The following PRKCH variants were observed in gnomAD, a reference collection of about 807,000 sequenced individuals.
PRKCH encodes the protein protein kinase C eta.
Under a neutral mutation model 82.5 loss-of-function variants are expected in PRKCH, and 28 were observed. The observed-to-expected ratio is 0.34, with a 90% CI of 0.25 to 0.47. The LOEUF (loss-of-function observed/expected upper bound fraction) is 0.47. PRKCH is among the 20% of genes least tolerant of loss of function. The probability of loss-of-function intolerance (pLI) is 1.00; values close to 1 mark genes in which losing one functional copy is unlikely to be tolerated. For missense variants in PRKCH, 705 were observed against 881.8 expected, an observed-to-expected ratio of 0.80 and a Z score of 2.54; for synonymous variants, 322 against 327.4, an observed-to-expected ratio of 0.98 and a Z score of 0.18.
At chr14:61,359,288 A>G (rs895560547) in intron 1 of PRKCH, among the ~76,000 whole-genome samples, 2 of 152,216 alleles carry the variant, frequency 1.3e-5, no homozygotes, top group African/African-American at 4.8e-5. Context: ...CCCCTGAAGT[A>G]GACACCCTAA....
At chr14:61,314,823 G>T (rs190476153) in intron 1 of PRKCH, among the ~76,000 whole-genome samples, 1 of 152,020 alleles carries the variant, frequency 6.6e-6, no homozygotes, top group East Asian at 1.9e-4. Flanking sequence ...CAGACTGGCC[G>T]TCAGGACCCT....
chr14:61,218,734 A>G (rs2044633723), intron 1 of PRKCH, among the ~76,000 whole-genome samples: 1 of 152,140 alleles, frequency 6.6e-6, no homozygotes, highest in Admixed American at 6.5e-5. Flanking sequence ...AAAAAATATC[A>G]TGGCATTTGA....
chr14:61,521,272 AT>A (rs1417973644), intron 10 of PRKCH, among the ~76,000 whole-genome samples: 1 of 152,208 alleles, frequency 6.6e-6, no homozygotes, highest in Non-Finnish European at 1.5e-5. Context: ...TAAAAATTCT[AT>A]TATAAACATT....
At chr14:61,256,745 C>T (rs756274612) in intron 1 of PRKCH, among the ~76,000 whole-genome samples, 1 of 152,066 alleles carries the variant, frequency 6.6e-6, no homozygotes, top group African/African-American at 2.4e-5. Flanking sequence ...CTTATTGATC[C>T]TAGTATGTGA....
At chr14:61,508,080 A>C (rs1887230930) in intron 10 of PRKCH, among the ~76,000 whole-genome samples, 1 of 152,100 alleles carries the variant, frequency 6.6e-6, no homozygotes, top group South Asian at 2.1e-4. Context: ...AGCTTTTTGT[A>C]TGTCAGTTAT....
intron 1 of PRKCH, among the ~76,000 whole-genome samples, chr14:61,295,396 G>T (rs2045398292): frequency 6.6e-6 from 1 of 152,208 alleles, no homozygotes; most frequent in Non-Finnish European, 1.5e-5. Flanking sequence ...GTCACCAGGT[G>T]ATACTGATGT....
intron 1 of PRKCH, among the ~76,000 whole-genome samples, chr14:61,206,506 G>T (rs1014619795): frequency 4.6e-5 from 7 of 152,142 alleles, no homozygotes; most frequent in Non-Finnish European, 2.9e-5. Flanking sequence ...TCCAAATAAG[G>T]TCACATTTTG....
At chr14:61,251,209 A>G (rs567727232) in intron 1 of PRKCH, among the ~76,000 whole-genome samples, 1 of 152,320 alleles carries the variant, frequency 6.6e-6, no homozygotes, top group African/African-American at 2.4e-5. Context: ...TGTGTTACAA[A>G]CAATCCAGCT....
intron 11 of PRKCH, 78 bp downstream of exon 11, chr14:61,529,291 T>C (rs2043013358): frequency 6.6e-7 from 1 of 1,504,504 alleles, no homozygotes; most frequent in South Asian, 1.3e-5. Context: ...TGGCTGCTTT[T>C]ATGCACTGCA....
At chr14:61,366,787 A>C (rs1330262521) in intron 1 of PRKCH, among the ~76,000 whole-genome samples, 9 of 152,042 alleles carry the variant, frequency 5.9e-5, no homozygotes, top group Admixed American at 5.2e-4. Flanking sequence ...GGCTTGCTTC[A>C]GTGGCCAGAG....
intron 1 of PRKCH, among the ~76,000 whole-genome samples, chr14:61,258,123 A>G (rs899365469): frequency 2.6e-5 from 4 of 152,316 alleles, no homozygotes; most frequent in Admixed American, 6.5e-5. Flanking sequence ...CTAGACCCCA[A>G]TGTAAATCAA....
At chr14:61,457,017 G>A in intron 7 of PRKCH, 159 bp from the exon 8 acceptor site, 2 of 718,666 alleles carry the variant, frequency 2.8e-6, no homozygotes, top group Admixed American at 3.0e-5. Context: ...TACTGAGGGA[G>A]TTTCGAGTGG....
chr14:61,485,503 A>G lies in PRKCH; in HGVS notation c.1280A>G (p.Asp427Gly). ...TQLFCCFQTP[D>G]RLFFVMEFVN... is the part of the protein sequence containing the mutation. ...GCCCTCTCTTGTGTTTGTATCCAGG[A>G]TCGTCTGTTTTTTGTGATGGAGTTT... is the stretch of plus-strand genomic sequence containing the variant. The change falls in exon 10 of 14, where the codon GAT becomes GGT. Residue 427 changes from aspartate (D) to glycine (G), a missense_variant and splice_region_variant. By Grantham distance (94) the Asp-to-Gly change is moderately conservative. This residue lies in a region of PRKCH where 238 missense variants were observed against 258.1 expected (regional missense o/e 0.92). Transcript: ENST00000332981. 1 of 1,613,586 alleles carries G rather than the reference A, an allele frequency of 6.2e-7. No homozygotes were observed. The highest frequency in any genetic ancestry group is 8.5e-7 in the Non-Finnish European group (1 of 1,179,800).
intron 12 of PRKCH, among the ~76,000 whole-genome samples, chr14:61,546,696 C>T (rs2043262066): frequency 6.6e-6 from 1 of 152,154 alleles, no homozygotes; most frequent in African/African-American, 2.4e-5. Context: ...TTGTGTTGTT[C>T]ACAAATCAGA....
chr14:61,479,656 A>G (rs1885880538), intron 9 of PRKCH, among the ~76,000 whole-genome samples: 2 of 152,142 alleles, frequency 1.3e-5, no homozygotes, highest in South Asian at 4.1e-4. Flanking sequence ...GCCCTTAATG[A>G]GGGGGCCTTA....
intron 1 of PRKCH, among the ~76,000 whole-genome samples, chr14:61,327,565 A>G (rs368696724): frequency 4.6e-5 from 7 of 152,330 alleles, no homozygotes; most frequent in African/African-American, 1.7e-4. Context: ...CTCATCACAA[A>G]CAGGTTGTGG....
chr14:61,281,384 C>A, intron 1 of PRKCH: 1 of 337,792 alleles, frequency 3.0e-6, no homozygotes, highest in Admixed American at 5.0e-5. Flanking sequence ...CGCTGCACCC[C>A]CGCGGGTCAC....
At chr14:61,330,887 C>T (rs1460436094) in intron 1 of PRKCH, among the ~76,000 whole-genome samples, 1 of 152,010 alleles carries the variant, frequency 6.6e-6, no homozygotes, top group Admixed American at 6.5e-5. Context: ...TTCCCTGGGC[C>T]ACGTTGGAAG....
chr14:61,210,919 T>G (rs2044573781), intron 1 of PRKCH, among the ~76,000 whole-genome samples: 1 of 152,004 alleles, frequency 6.6e-6, no homozygotes, highest in Non-Finnish European at 1.5e-5. Context: ...CCACATGCAA[T>G]TGTGGGAGTG....
Sources: gnomAD v4.1 joint callset for allele counts (sites outside exome capture counted in the v4.1 genomes callset) on GRCh38, gnomAD v4.1.1 for gene constraint, gnomAD v4.1.1 regional missense constraint, MANE v1.5 for transcripts, NCBI Gene and HGNC (gene_info 2026-07-23, HGNC 2026-07-21) for gene names.